Variants in CTNNA2 observed in about 807,000 individuals in gnomAD.
CTNNA2 encodes the protein catenin alpha 2, also known as catenin alpha-2.
A neutral mutation model predicts 101.0 loss-of-function variants in CTNNA2; 42 were observed. The observed-to-expected ratio is 0.42, with a 90% CI of 0.32 to 0.54. The LOEUF (loss-of-function observed/expected upper bound fraction) is 0.54. Ranked by LOEUF, CTNNA2 falls within the 20% of genes least tolerant of loss-of-function variation. The pLI is 0.14. For missense variants in CTNNA2, 871 were observed against 1,223.1 expected (o/e 0.71, Z 4.29); for synonymous variants, 450 against 456.4 (o/e 0.99, Z 0.18).
At chr2:80,009,726 C>CTGTGTGTG (rs57813087) in intron 7 of CTNNA2, among the ~76,000 whole-genome samples, 24 of 147,914 alleles carry the variant, frequency 1.6e-4, no homozygotes, top group African/African-American at 4.7e-4. Flanking sequence ...TGGTGTGTGT[C>CTGTGTGTG]TGTGTGTGTG....
intron 18 of CTNNA2, among the ~76,000 whole-genome samples, chr2:80,623,371 G>T (rs1257713958): frequency 6.6e-6 from 1 of 151,754 alleles, no homozygotes; most frequent in Admixed American, 6.6e-5. Flanking sequence ...AATTTTTTTT[G>T]AGCCTTCACA....
At chr2:80,218,303 C>T (rs1165447683) in intron 7 of CTNNA2, among the ~76,000 whole-genome samples, 1 of 152,194 alleles carries the variant, frequency 6.6e-6, no homozygotes, top group African/African-American at 2.4e-5. Context: ...GCTGAGGGGG[C>T]AGAGATATTT....
intron 4 of CTNNA2, among the ~76,000 whole-genome samples, chr2:79,415,277 C>A (rs1678465381): frequency 1.3e-5 from 2 of 152,164 alleles, no homozygotes; most frequent in Admixed American, 1.3e-4. Context: ...TGCCACATGA[C>A]ATGCCTGCTC....
chr2:79,216,456 G>A (rs555535644), intron 2 of CTNNA2, among the ~76,000 whole-genome samples: 1 of 151,976 alleles, frequency 6.6e-6, no homozygotes, highest in African/African-American at 2.4e-5. Flanking sequence ...GGAAATAAGG[G>A]ATCAGGGCAC....
intron 13 of CTNNA2, among the ~76,000 whole-genome samples, chr2:80,574,861 A>G (rs1694900975): frequency 1.3e-5 from 2 of 152,188 alleles, no homozygotes; most frequent in South Asian, 4.1e-4. Context: ...GTTGTTAGGT[A>G]GGTGTGTCTT....
At chr2:79,432,760 AAC>A in intron 4 of CTNNA2, among the ~76,000 whole-genome samples, 1 of 152,340 alleles carries the variant, frequency 6.6e-6, no homozygotes, top group African/African-American at 2.4e-5. Flanking sequence ...ATCAAAGAGA[AAC>A]TTATTCTCTG....
intron 7 of CTNNA2, among the ~76,000 whole-genome samples, chr2:80,014,107 A>G (rs7570725): frequency 0.79 from 120,569 of 152,162 alleles, 48,278 homozygotes; most frequent in Non-Finnish European, 0.85. Flanking sequence ...AAAATTGCTA[A>G]GTAGCATTAT....
chr2:80,135,989 A>ATCAAAATCT (rs1702672765), intron 7 of CTNNA2, among the ~76,000 whole-genome samples: 1 of 152,102 alleles, frequency 6.6e-6, no homozygotes, highest in African/African-American at 2.4e-5. Flanking sequence ...TTTGAAGTAG[A>ATCAAAATCT]GCGATCTGGA....
intron 18 of CTNNA2, among the ~76,000 whole-genome samples, chr2:80,620,075 G>C (rs1670950266): frequency 6.6e-6 from 1 of 151,768 alleles, no homozygotes; most frequent in Non-Finnish European, 1.5e-5. Flanking sequence ...TGTATAAAAG[G>C]GTAAAGGGAG....
chr2:79,647,085 A>G (rs916055506), intron 1 of CTNNA2, among the ~76,000 whole-genome samples: 1 of 152,176 alleles, frequency 6.6e-6, no homozygotes, highest in Non-Finnish European at 1.5e-5. Flanking sequence ...TTTTGTGGGC[A>G]AACAGACGGT....
intron 4 of CTNNA2, among the ~76,000 whole-genome samples, chr2:79,388,565 T>C (rs1210105306): frequency 6.6e-6 from 1 of 152,166 alleles, no homozygotes; most frequent in Non-Finnish European, 1.5e-5. Flanking sequence ...GAATTTACAG[T>C]AATGATGTGT....
chr2:79,464,912 A>G (rs2104539393), intron 4 of CTNNA2, among the ~76,000 whole-genome samples: 1 of 152,248 alleles, frequency 6.6e-6, no homozygotes, highest in South Asian at 2.1e-4. Flanking sequence ...GATTGCAAAA[A>G]TGTTCTCCCA....
At chr2:80,381,054 G>C (rs958889280) in intron 7 of CTNNA2, among the ~76,000 whole-genome samples, 1 of 152,028 alleles carries the variant, frequency 6.6e-6, no homozygotes, top group East Asian at 1.9e-4. Flanking sequence ...CCAAGAGATA[G>C]TACTAGTATG....
At chr2:80,178,259 A>G (rs1705524321) in intron 7 of CTNNA2, among the ~76,000 whole-genome samples, 1 of 152,162 alleles carries the variant, frequency 6.6e-6, no homozygotes, top group Non-Finnish European at 1.5e-5. Flanking sequence ...ATGGTGCTGT[A>G]CATTCCCCCA....
At chr2:80,334,749 T>C (rs1405678581) in intron 7 of CTNNA2, among the ~76,000 whole-genome samples, 4 of 152,202 alleles carry the variant, frequency 2.6e-5, no homozygotes, top group Non-Finnish European at 2.9e-5. Context: ...CTTCTAATAA[T>C]TATAATTGAA....
intron 7 of CTNNA2, among the ~76,000 whole-genome samples, chr2:80,142,886 G>A (rs1703098702): frequency 7.0e-6 from 1 of 142,970 alleles, no homozygotes; most frequent in Non-Finnish European, 1.5e-5. Context: ...TCATTCCTCA[G>A]GTGCCCCATC....
intron 7 of CTNNA2, among the ~76,000 whole-genome samples, chr2:80,207,986 G>T (rs1707634896): frequency 6.6e-6 from 1 of 152,174 alleles, no homozygotes; most frequent in Non-Finnish European, 1.5e-5. Flanking sequence ...CATGCAGGGA[G>T]ATCAGATGAA....
chr2:79,507,377 C>A (rs573333790), intron 5 of CTNNA2, among the ~76,000 whole-genome samples: 1 of 152,154 alleles, frequency 6.6e-6, no homozygotes, highest in Middle Eastern at 3.4e-3. Context: ...AATGCCATTA[C>A]TGAGGGTGTG....
At chr2:79,307,560 CTTT>C in intron 2 of CTNNA2, among the ~76,000 whole-genome samples, 1 of 152,228 alleles carries the variant, frequency 6.6e-6, no homozygotes, top group East Asian at 1.9e-4. Context: ...GGATTTTATT[CTTT>C]TTATGGCTGA....
Sources: gnomAD v4.1 joint callset for allele counts (sites outside exome capture counted in the v4.1 genomes callset) on GRCh38, gnomAD v4.1.1 for gene constraint, MANE v1.5 for transcripts, NCBI Gene and HGNC (gene_info 2026-07-23, HGNC 2026-07-21) for gene names.